The following TSPAN9 variants were observed in gnomAD, a reference collection of about 807,000 sequenced individuals.
The protein encoded by TSPAN9 is tetraspanin 9.
Under a neutral mutation model 31.0 loss-of-function variants are expected in TSPAN9, and 16 were observed. The observed-to-expected ratio is 0.52, with a 90% CI of 0.35 to 0.78. The LOEUF (loss-of-function observed/expected upper bound fraction) is 0.78, where lower values mean the gene tolerates loss of function less well. Among genes scored for constraint, TSPAN9 ranks in the 30% least tolerant of loss-of-function variants. The pLI, the probability that TSPAN9 is intolerant of heterozygous loss-of-function variation, is 0.01. For missense variants in TSPAN9, 272 were observed against 312.5 expected, an observed-to-expected ratio of 0.87 and a Z score of 0.98; for synonymous variants, 145 against 121.6, an observed-to-expected ratio of 1.19 and a Z score of -1.27.
intron 3 of TSPAN9, among the ~76,000 whole-genome samples, chr12:3,255,966 C>G (rs890994833): frequency 1.3e-5 from 2 of 152,334 alleles, no homozygotes; most frequent in South Asian, 2.1e-4. Context: ...TTGAAAGCAA[C>G]CCTTCTCTTG....
intron 2 of TSPAN9, among the ~76,000 whole-genome samples, chr12:3,100,595 A>C (rs2098311442): frequency 6.6e-6 from 1 of 152,146 alleles, no homozygotes; most frequent in African/African-American, 2.4e-5. Context: ...CAGTTGTTTT[A>C]GGTGGGACGG....
chr12:3,279,950 C>T (rs963815381), intron 5 of TSPAN9, among the ~76,000 whole-genome samples: 3 of 151,898 alleles, frequency 2.0e-5, no homozygotes, highest in African/African-American at 7.3e-5. Context: ...GGTCACATGA[C>T]CTGTCTTCCT....
intron 2 of TSPAN9, among the ~76,000 whole-genome samples, chr12:3,137,864 C>T (rs1278549187): frequency 1.3e-5 from 2 of 152,124 alleles, no homozygotes; most frequent in African/African-American, 2.4e-5. Context: ...TCTTCAGGGG[C>T]TTGACTTCCT....
chr12:3,157,613 A>G (rs1409272687), intron 2 of TSPAN9, among the ~76,000 whole-genome samples: 2 of 152,230 alleles, frequency 1.3e-5, no homozygotes, highest in Non-Finnish European at 2.9e-5. Context: ...AATAGTGAAT[A>G]GCAGCTGCTA....
intron 2 of TSPAN9, among the ~76,000 whole-genome samples, chr12:3,199,686 G>C (rs1341919228): frequency 6.6e-6 from 1 of 152,182 alleles, no homozygotes; most frequent in African/African-American, 2.4e-5. Context: ...GCAAGGGTTC[G>C]CGCAGCTGCA....
In TSPAN9 at chr12:3,192,680, T is replaced by TCC. The variant is rs1224921156; in HGVS notation, c.-17-8496_-17-8495dup. 2.0e-5 allele frequency among the ~76,000 whole-genome samples: 3 copies of TCC among 151,938 alleles called. No homozygotes were observed. Among genetic ancestry groups the TCC allele is most frequent in the Non-Finnish European group, 1.5e-5 (1 of 67,942 alleles). On this transcript the variant is annotated intron_variant, in intron 2 of 8. Transcript: ENST00000011898. The surrounding 1 kb of genome is among the most constrained non-coding windows in gnomAD (Gnocchi z 4.6). Reference sequence around the variant, plus strand: ...CTTGGGGCTCAGGAGACAAGTCAGGTCCAGGTGTGCATTTAGGGGGTCAAC... The same window carrying TCC: ...CTTGGGGCTCAGGAGACAAGTCAGGTCCCCAGGTGTGCATTTAGGGGGTCAAC...
intron 3 of TSPAN9, among the ~76,000 whole-genome samples, chr12:3,269,565 C>T (rs372556125): frequency 2.5e-4 from 38 of 152,074 alleles, no homozygotes; most frequent in African/African-American, 8.2e-4. Context: ...TGTGTTCCTG[C>T]AGCCTGCCCT....
chr12:3,080,295 T>A (rs775480877), intron 1 of TSPAN9, among the ~76,000 whole-genome samples: 91 of 152,212 alleles, frequency 6.0e-4, no homozygotes, highest in Non-Finnish European at 2.1e-4. Flanking sequence ...TAAAAAATTC[T>A]AAAATTGTGG....
chr12:3,116,076 C>T (rs1029136256), intron 2 of TSPAN9, among the ~76,000 whole-genome samples: 1 of 152,160 alleles, frequency 6.6e-6, no homozygotes, highest in Non-Finnish European at 1.5e-5. Flanking sequence ...ATAAAAGTTT[C>T]GCTATTTTCT....
At chr12:3,114,676 C>T (rs1232111175) in intron 2 of TSPAN9, among the ~76,000 whole-genome samples, 1 of 151,956 alleles carries the variant, frequency 6.6e-6, no homozygotes, top group Non-Finnish European at 1.5e-5. Flanking sequence ...AACCCCACCT[C>T]TACTAAAAAT....
chr12:3,194,851 G>A (rs1415437677), intron 2 of TSPAN9, among the ~76,000 whole-genome samples: 1 of 152,168 alleles, frequency 6.6e-6, no homozygotes, highest in Non-Finnish European at 1.5e-5. Context: ...CCCCTGCCCT[G>A]TAGCCTCCCC....
intron 2 of TSPAN9, among the ~76,000 whole-genome samples, chr12:3,139,173 T>TG (rs942731116): frequency 6.6e-6 from 1 of 152,154 alleles, no homozygotes; most frequent in Non-Finnish European, 1.5e-5. Context: ...TTGCTTTTGG[T>TG]GGGGGGCGGT....
intron 3 of TSPAN9, among the ~76,000 whole-genome samples, chr12:3,247,048 A>C (rs937838812): frequency 1.4e-4 from 21 of 152,160 alleles, no homozygotes; most frequent in Non-Finnish European, 2.2e-4. Context: ...CCTGTTTTTC[A>C]GGGCAGAGAA....
intron 3 of TSPAN9, among the ~76,000 whole-genome samples, chr12:3,228,024 C>G (rs761765378): frequency 3.0e-4 from 46 of 152,042 alleles, no homozygotes; most frequent in Non-Finnish European, 3.1e-4. Context: ...TACTATGTAC[C>G]AGGCACTATG....
chr12:3,138,274 G>T (rs1449174944), intron 2 of TSPAN9, among the ~76,000 whole-genome samples: 5 of 152,166 alleles, frequency 3.3e-5, no homozygotes, highest in African/African-American at 4.8e-5. Flanking sequence ...AGAGCCCTGG[G>T]GCTGGCTGGG....
chr12:3,265,573 C>T (rs1862522705), intron 3 of TSPAN9, among the ~76,000 whole-genome samples: 1 of 152,190 alleles, frequency 6.6e-6, no homozygotes, highest in Admixed American at 6.5e-5. Flanking sequence ...CTGGCAGAAT[C>T]AGCAAAGCAG....
At chr12:3,251,680 A>T (rs1380698778) in intron 3 of TSPAN9, among the ~76,000 whole-genome samples, 1 of 152,144 alleles carries the variant, frequency 6.6e-6, no homozygotes, top group Non-Finnish European at 1.5e-5. Flanking sequence ...GGACAGAGGG[A>T]CACACAGGAC....
chr12:3,213,364 C>T (rs1477655908), intron 3 of TSPAN9, among the ~76,000 whole-genome samples: 1 of 152,220 alleles, frequency 6.6e-6, no homozygotes, highest in Non-Finnish European at 1.5e-5. Context: ...CGCTTGTTGG[C>T]AAGAGCTCAT....
chr12:3,122,183 A>G (rs1266516), intron 2 of TSPAN9, among the ~76,000 whole-genome samples: 96,416 of 151,474 alleles, frequency 0.64, 30,867 homozygotes, highest in East Asian at 0.74. Context: ...AAAATACAAA[A>G]ATTAGCCGGG....
Sources: allele counts gnomAD v4.1 joint callset (sites outside exome capture counted in the v4.1 genomes callset), GRCh38; gene constraint gnomAD v4.1.1; non-coding constraint Gnocchi (gnomAD v3.1); transcripts MANE v1.5; gene names NCBI Gene and HGNC (gene_info 2026-07-23, HGNC 2026-07-21).